TNIK: variants seen among roughly 807,000 people sequenced by gnomAD.
TNIK encodes the protein TRAF2 and NCK interacting kinase.
In TNIK, 49 loss-of-function variants were observed where a neutral mutation model predicts 191.3. That is an observed-to-expected ratio of 0.26 (90% confidence interval 0.20 to 0.32). The LOEUF (loss-of-function observed/expected upper bound fraction) is 0.32. TNIK is among the 10% of genes least tolerant of loss of function. The pLI is 1.00. For missense variants in TNIK, 1,155 were observed against 1,702.3 expected (o/e 0.68, Z 5.66); for synonymous variants, 594 against 600.9 (o/e 0.99, Z 0.17).
At chr3:171,271,907 ATTC>A (rs1172426737) in intron 2 of TNIK, among the ~76,000 whole-genome samples, 2 of 152,234 alleles carry the variant, frequency 1.3e-5, no homozygotes, top group East Asian at 3.8e-4. Flanking sequence ...TGAGCATTAG[ATTC>A]TTGCCTGAAC....
chr3:171,105,888 G>C (rs758057219), intron 21 of TNIK, among the ~76,000 whole-genome samples: 1 of 152,156 alleles, frequency 6.6e-6, no homozygotes, highest in Non-Finnish European at 1.5e-5. Context: ...ACTGACAAAA[G>C]TTGTGATAAT....
At chr3:171,228,097 G>A (rs1345728956) in intron 3 of TNIK, 68 bp downstream of exon 3, 15 of 1,527,216 alleles carry the variant, frequency 9.8e-6, no homozygotes, top group Non-Finnish European at 1.4e-5. Context: ...GGCCTATCAG[G>A]ATGTGAACTC....
At chr3:171,403,307 C>G (rs1721187814) in intron 1 of TNIK, among the ~76,000 whole-genome samples, 2 of 152,172 alleles carry the variant, frequency 1.3e-5, no homozygotes, top group South Asian at 4.1e-4. Context: ...CAAACAAGAG[C>G]TTTTGTCTTA....
chr3:171,314,670 T>C (rs1469232512), intron 2 of TNIK, among the ~76,000 whole-genome samples: 1 of 152,030 alleles, frequency 6.6e-6, no homozygotes, highest in African/African-American at 2.4e-5. Context: ...TTACCTGTCC[T>C]CCAAAACCTC....
At chr3:171,406,392 C>A (rs1340364062) in intron 1 of TNIK, among the ~76,000 whole-genome samples, 2 of 152,070 alleles carry the variant, frequency 1.3e-5, no homozygotes, top group Non-Finnish European at 2.9e-5. Flanking sequence ...AGGGCACCCT[C>A]CATATTGAGA....
At chr3:171,288,058 T>C (rs1751217986) in intron 2 of TNIK, among the ~76,000 whole-genome samples, 1 of 149,516 alleles carries the variant, frequency 6.7e-6, no homozygotes, top group Non-Finnish European at 1.5e-5. Context: ...CTCAGTAAAC[T>C]ATTGCAAGAA....
intron 9 of TNIK, among the ~76,000 whole-genome samples, chr3:171,174,866 T>C (rs1735781855): frequency 6.6e-6 from 1 of 152,068 alleles, no homozygotes; most frequent in Non-Finnish European, 1.5e-5. Flanking sequence ...GAATGATTGT[T>C]GTAAGGAATA....
chr3:171,386,388 GTTAAA>G lies in TNIK; in HGVS notation c.58-16708_58-16704del, dbSNP rs1718738240. Among the ~76,000 whole-genome samples the G allele has an allele frequency of 2.0e-5, 3 of 152,222 alleles. No homozygotes were observed. In the South Asian group the frequency reaches 6.2e-4, roughly 32 times the overall value. On this transcript the variant is annotated intron_variant, in intron 1 of 32. Coordinates refer to ENST00000436636, the MANE Select transcript of TNIK (RefSeq NM_015028.4). ...TGGTGTTCGTGGTGTTTTTTAATAT[GTTAAA>G]TTAAACATGAATAAGTTTGTATCAA...
At chr3:171,446,509 C>G (rs1002699684) in intron 1 of TNIK, among the ~76,000 whole-genome samples, 4 of 152,188 alleles carry the variant, frequency 2.6e-5, no homozygotes, top group African/African-American at 9.7e-5. Flanking sequence ...AAATTGCCCT[C>G]TGCAAGACCA....
intron 2 of TNIK, among the ~76,000 whole-genome samples, chr3:171,318,086 T>C (rs1036779824): frequency 1.9e-4 from 29 of 152,258 alleles, no homozygotes; most frequent in African/African-American, 7.0e-4. Flanking sequence ...AGATTTGTAC[T>C]AGGTCTGTCT....
intron 12 of TNIK, among the ~76,000 whole-genome samples, chr3:171,143,786 G>A (rs1296769359): frequency 6.6e-6 from 1 of 152,332 alleles, no homozygotes; most frequent in South Asian, 2.1e-4. Flanking sequence ...AATAGAAGAG[G>A]GGAGAGCCCT....
intron 22 of TNIK, among the ~76,000 whole-genome samples, chr3:171,096,806 A>AT (rs1351518407): frequency 4.6e-5 from 7 of 152,222 alleles, no homozygotes; most frequent in African/African-American, 1.7e-4. Context: ...CAGGTAGCAC[A>AT]TAATAAATGT....
intron 2 of TNIK, among the ~76,000 whole-genome samples, chr3:171,268,707 G>A (rs1280056430): frequency 6.6e-6 from 1 of 151,950 alleles, no homozygotes; most frequent in Non-Finnish European, 1.5e-5. Context: ...AAAGACAGAG[G>A]GAAAGGTAAT....
At chr3:171,254,840 G>A (rs1022192058) in intron 2 of TNIK, among the ~76,000 whole-genome samples, 1 of 152,152 alleles carries the variant, frequency 6.6e-6, no homozygotes, top group African/African-American at 2.4e-5. Context: ...TATAAGTACA[G>A]AAAAGCTATT....
chr3:171,360,315 T>C (rs1714791202), intron 2 of TNIK, among the ~76,000 whole-genome samples: 1 of 152,250 alleles, frequency 6.6e-6, no homozygotes, highest in Admixed American at 6.5e-5. Context: ...GGTACCTTAA[T>C]AATGTTAGGC....
intron 1 of TNIK, among the ~76,000 whole-genome samples, chr3:171,457,290 T>C (rs1728897137): frequency 6.6e-6 from 1 of 152,216 alleles, no homozygotes; most frequent in Non-Finnish European, 1.5e-5. Context: ...CTGGAATCAC[T>C]GGCTGAGAAC....
At chr3:171,431,224 T>C (rs1467773736) in intron 1 of TNIK, among the ~76,000 whole-genome samples, 1 of 152,106 alleles carries the variant, frequency 6.6e-6, no homozygotes, top group East Asian at 1.9e-4. Flanking sequence ...CTTGGAATAG[T>C]ATAATATGCT....
chr3:171,245,547 TTTTAAGATAC>T (rs968573236), intron 2 of TNIK, among the ~76,000 whole-genome samples: 10 of 151,962 alleles, frequency 6.6e-5, no homozygotes, highest in African/African-American at 2.4e-4. Flanking sequence ...TGGGACATCT[TTTTAAGATAC>T]TTTAACAATA....
At chr3:171,298,336 T>C (rs181196853) in intron 2 of TNIK, among the ~76,000 whole-genome samples, 1 of 152,344 alleles carries the variant, frequency 6.6e-6, no homozygotes, top group African/African-American at 2.4e-5. Flanking sequence ...TGGAACTTTT[T>C]TTGCGAATAT....
Sources: gnomAD v4.1 joint callset for allele counts (sites outside exome capture counted in the v4.1 genomes callset) on GRCh38, gnomAD v4.1.1 for gene constraint, MANE v1.5 for transcripts, NCBI Gene and HGNC (gene_info 2026-07-23, HGNC 2026-07-21) for gene names.